Variants in TNIK observed in about 807,000 individuals in gnomAD.
TNIK encodes the protein TRAF2 and NCK-interacting protein kinase.
TNIK carries 49 observed loss-of-function variants against 191.3 expected under a neutral mutation model. The ratio of observed to expected loss-of-function variants is 0.26; its 90% CI spans 0.20 to 0.32. TNIK has a LOEUF of 0.32. Ranked by LOEUF, TNIK falls within the 10% of genes least tolerant of loss-of-function variation. The probability of loss-of-function intolerance (pLI) is 1.00; values close to 1 mark genes in which losing one functional copy is unlikely to be tolerated. For synonymous variants in TNIK, 594 were observed against 600.9 expected (o/e 0.99, Z 0.17); for missense variants, 1,155 against 1,702.3 (o/e 0.68, Z 5.66).
chr3:171,090,541 G>C (rs1254806205), intron 23 of TNIK, among the ~76,000 whole-genome samples: 1 of 141,758 alleles, frequency 7.1e-6, no homozygotes, highest in Non-Finnish European at 1.6e-5. Flanking sequence ...GAGGATCAAC[G>C]CTGAAAAGAT....
At chr3:171,420,583 C>A (rs746394045) in intron 1 of TNIK, among the ~76,000 whole-genome samples, 5 of 152,072 alleles carry the variant, frequency 3.3e-5, no homozygotes, top group Non-Finnish European at 7.4e-5. Flanking sequence ...TACTACTGAA[C>A]CCTATATACA....
At chr3:171,330,351 A>G (rs1756273435) in intron 2 of TNIK, among the ~76,000 whole-genome samples, 1 of 152,228 alleles carries the variant, frequency 6.6e-6, no homozygotes, top group South Asian at 2.1e-4. Flanking sequence ...TTCTTTAACC[A>G]ACTTAATCTA....
intron 2 of TNIK, among the ~76,000 whole-genome samples, chr3:171,315,219 A>T (rs1286337092): frequency 6.6e-6 from 1 of 152,160 alleles, no homozygotes; most frequent in East Asian, 1.9e-4. Context: ...GGCCACAGTG[A>T]CAAAAACACA....
intron 1 of TNIK, chr3:171,439,681 G>A (rs1229630737): frequency 1.3e-5 from 2 of 152,128 alleles, no homozygotes; most frequent in African/African-American, 2.4e-5. Context: ...TCAGTGTCAG[G>A]TACATCCACA....
chr3:171,241,761 C>A (rs1381283817), intron 2 of TNIK, among the ~76,000 whole-genome samples: 1 of 151,814 alleles, frequency 6.6e-6, no homozygotes, highest in Non-Finnish European at 1.5e-5. Flanking sequence ...AGACTTGGAA[C>A]CAACCCAAAT....
At chr3:171,294,353 C>T (rs1361059654) in intron 2 of TNIK, among the ~76,000 whole-genome samples, 1 of 151,478 alleles carries the variant, frequency 6.6e-6, no homozygotes, top group Non-Finnish European at 1.5e-5. Context: ...GAGCTGAGGA[C>T]ATCAAGGCTG....
At chr3:171,278,834 A>G (rs1056814162) in intron 2 of TNIK, among the ~76,000 whole-genome samples, 2 of 152,204 alleles carry the variant, frequency 1.3e-5, no homozygotes, top group Admixed American at 1.3e-4. Flanking sequence ...CTTTTATTCC[A>G]TATCTGGGAT....
In TNIK at chr3:171,110,902, G is replaced by A. The variant is rs773341141; in HGVS notation, c.2121-25C>T. 4.4e-6 allele frequency: 7 copies of A among 1,578,240 alleles called. No homozygotes were observed. In the Admixed American group the frequency reaches 7.1e-5, roughly 16 times the overall value. On this transcript the variant is annotated intron_variant, in intron 18 of 32. Transcript: ENST00000436636. ...GCTGTGTGAGTGACAGAGCACACTG[G>A]TTACACTCTCCAGACCTTGCCAGTT...
chr3:171,150,884 C>A (rs748478095), intron 12 of TNIK, among the ~76,000 whole-genome samples: 1 of 152,124 alleles, frequency 6.6e-6, no homozygotes. Flanking sequence ...AGGGAAGGTA[C>A]ATTAAGGAAT....
intron 18 of TNIK, among the ~76,000 whole-genome samples, chr3:171,112,486 G>C (rs1725994437): frequency 6.6e-6 from 1 of 152,060 alleles, no homozygotes; most frequent in African/African-American, 2.4e-5. Context: ...AAAAAGTCTT[G>C]AAAAATATTA....
chr3:171,443,161 C>T (rs908824069), intron 1 of TNIK, among the ~76,000 whole-genome samples: 2 of 152,178 alleles, frequency 1.3e-5, no homozygotes, highest in Non-Finnish European at 2.9e-5. Context: ...AAGCAGAGGC[C>T]TTTTAGGAAG....
At chr3:171,100,511 G>A (rs1057047338) in intron 22 of TNIK, among the ~76,000 whole-genome samples, 11 of 152,086 alleles carry the variant, frequency 7.2e-5, no homozygotes, top group Middle Eastern at 3.4e-3. Context: ...TTTTTATATA[G>A]AGTGAGTGTG....
At chr3:171,365,601 TA>T (rs769235170) in intron 2 of TNIK, among the ~76,000 whole-genome samples, 1 of 152,164 alleles carries the variant, frequency 6.6e-6, no homozygotes, top group South Asian at 2.1e-4. Flanking sequence ...CACAATGTGA[TA>T]ACATTCAAAG....
intron 2 of TNIK, among the ~76,000 whole-genome samples, chr3:171,243,759 G>A (rs1745257585): frequency 6.6e-6 from 1 of 151,972 alleles, no homozygotes; most frequent in Admixed American, 6.6e-5. Context: ...TTCCCTGTTG[G>A]TTCCATTTTC....
At chr3:171,286,064 A>T (rs1750976399) in intron 2 of TNIK, among the ~76,000 whole-genome samples, 1 of 152,168 alleles carries the variant, frequency 6.6e-6, no homozygotes, top group Non-Finnish European at 1.5e-5. Flanking sequence ...ATACTATTCC[A>T]TATTTCCTGG....
At chr3:171,077,887 T>A (rs1452054256) in intron 28 of TNIK, among the ~76,000 whole-genome samples, 1 of 146,440 alleles carries the variant, frequency 6.8e-6, no homozygotes, top group African/African-American at 2.8e-5. Flanking sequence ...ATACACACAC[T>A]CACACATATA....
In TNIK at chr3:171,240,083, A is replaced by T. The variant is rs111591898; in HGVS notation, c.124-11862T>A. On this transcript the variant is annotated intron_variant, in intron 2 of 32. Coordinates refer to ENST00000436636, the MANE Select transcript of TNIK (RefSeq NM_015028.4). ...TAAATTTAGCTGCGATCCAACTGTG[A>T]CCTATCAGGTAGCTTCGTCTCAAGG... 5.0e-3 allele frequency among the ~76,000 whole-genome samples: 767 copies of T among 152,242 alleles called. 6 individuals carry two copies. Among genetic ancestry groups the T allele is most frequent in the Admixed American group, 0.012 (178 of 15,298 alleles).
At chr3:171,078,045 A>G (rs1273730781) in intron 28 of TNIK, among the ~76,000 whole-genome samples, 1 of 152,158 alleles carries the variant, frequency 6.6e-6, no homozygotes, top group Non-Finnish European at 1.5e-5. Context: ...TTCTGGGTCT[A>G]TTGTATGTAA....
chr3:171,409,921 C>A (rs1193360251), intron 1 of TNIK, among the ~76,000 whole-genome samples: 2 of 151,576 alleles, frequency 1.3e-5, no homozygotes, highest in Non-Finnish European at 2.9e-5. Flanking sequence ...CTTTTCCTAC[C>A]TATCCCAGTG....
Sources: allele counts gnomAD v4.1 joint callset (sites outside exome capture counted in the v4.1 genomes callset), GRCh38; gene constraint gnomAD v4.1.1; transcripts MANE v1.5; gene names NCBI Gene and HGNC (gene_info 2026-07-23, HGNC 2026-07-21).